Variants in TOLLIP observed in about 807,000 individuals in gnomAD.
The protein encoded by TOLLIP is toll-interacting protein.
Under a neutral mutation model 33.5 loss-of-function variants are expected in TOLLIP, and 16 were observed. That is an observed-to-expected ratio of 0.48 (90% CI 0.32 to 0.72). The LOEUF is 0.72. Ranked by LOEUF, TOLLIP falls within the 30% of genes least tolerant of loss-of-function variation. The pLI, the probability that TOLLIP is intolerant of heterozygous loss-of-function variation, is 0.03. For synonymous variants in TOLLIP, 176 were observed against 163.7 expected (o/e 1.07, Z -0.57); for missense variants, 325 against 396.6 (o/e 0.82, Z 1.53).
In TOLLIP at chr11:1,285,864, G is replaced by A. The variant is rs902668940; in HGVS notation, c.610+138C>T. Reference sequence around the variant, plus strand: ...TCCTGGCCTGAAAGGATCTGTGTGCGGTCAGCACGTCTACAGGATTCTAGA... The same window carrying A: ...TCCTGGCCTGAAAGGATCTGTGTGCAGTCAGCACGTCTACAGGATTCTAGA... On this transcript the variant is annotated intron_variant, in intron 5 of 5. Coordinates refer to ENST00000317204, the MANE Select transcript of TOLLIP (RefSeq NM_019009.4). The A allele has an allele frequency of 4.6e-5, 25 of 539,484 alleles. 1 individual carries two copies. The highest frequency in any genetic ancestry group is 2.6e-4 in the Admixed American group (7 of 26,462). 33.4% of individuals were successfully genotyped at this position (539,484 alleles called of 1,614,324 possible).
In TOLLIP at chr11:1,290,065, T is replaced by C; in HGVS notation, c.366+162A>G. The C allele has an allele frequency of 1.6e-6, 1 of 642,300 alleles. No homozygotes were observed. 39.8% of individuals were successfully genotyped at this position (642,300 alleles called of 1,614,324 possible). A position where few individuals can be genotyped will look rare whatever the true frequency, so the allele number is the denominator to read the frequency against. ...GCTGGAAACAATCCCTTTTTCACAT[T>C]CCTTGGGGAGAGCAGGACCCTGTCA... is the stretch of plus-strand genomic sequence containing the variant. On this transcript the variant is annotated intron_variant, in intron 3 of 5. Coordinates refer to ENST00000317204, the MANE Select transcript of TOLLIP (RefSeq NM_019009.4). This position sits in a 1 kb window ranked among gnomAD's most constrained non-coding sequence, Gnocchi z 4.9.
At position 1,288,707 on chromosome 11, in the gene TOLLIP, T is replaced by C. The variant is rs1863830779; in HGVS notation, c.436A>G (p.Lys146Glu). 1 of 1,612,808 alleles carries C rather than the reference T, an allele frequency of 6.2e-7. No individual in the cohort carries two copies. The highest frequency in any genetic ancestry group is 1.3e-5 in the African/African-American group (1 of 74,944). ...AGGCTGTACCACTTGTCCTCCACCT[T>C]GCCCTGCCTCAGGGACTCCGGGATG... The part of the protein sequence containing the change: ...ITIPESLRQG[K>E]VEDKWYSLSG... The change falls in exon 4 of 6, where the codon AAG (lysine) becomes GAG (glutamate). Residue 146 changes from lysine (K) to glutamate (E), a missense_variant. Coordinates refer to ENST00000317204, the MANE Select transcript of TOLLIP (RefSeq NM_019009.4).
chr11:1,290,557 G>A lies in TOLLIP; in HGVS notation c.184-148C>T. On this transcript the variant is annotated intron_variant, in intron 2 of 5. Transcript: ENST00000317204. The surrounding 1 kb of genome is among the most constrained non-coding windows in gnomAD (Gnocchi z 4.9). ...CTCAGAGTCGCCTGAACACGGCTGT[G>A]ACCTGCTTCCCAGGAGGCCAGGAGC... 1 of 693,362 alleles carries A rather than the reference G, an allele frequency of 1.4e-6. No individual in the cohort carries two copies. Among genetic ancestry groups the A allele is most frequent in the Non-Finnish European group, 2.4e-6 (1 of 414,142 alleles). The allele number at this position is 693,362 out of a possible 1,614,324, so 43.0% of individuals were successfully genotyped here.
In TOLLIP at chr11:1,276,456, T is replaced by C. The variant is rs1311767069; in HGVS notation, c.*583A>G. On this transcript the variant is annotated 3_prime_UTR_variant, in exon 6 of 6. Coordinates refer to ENST00000317204, the MANE Select transcript of TOLLIP (RefSeq NM_019009.4). ...GTCTGTCACAAGGCTGGCTGGACAG[T>C]GGCCAGGTGAGCCAGGCCAGAGGCC... 3.1e-6 allele frequency: 1 copy of C among 326,148 alleles called. No individual in the cohort carries two copies. Among genetic ancestry groups the C allele is most frequent in the East Asian group, 8.4e-5 (1 of 11,840 alleles). The allele number at this position is 326,148 out of a possible 1,614,324, so 20.2% of individuals were successfully genotyped here. A position where few individuals can be genotyped will look rare whatever the true frequency, so the allele number is the denominator to read the frequency against.
rs1166710718 is a variant in TOLLIP at position 1,287,795 on chromosome 11, GCCGCAGC to G, written c.519+822_519+828del. 1.1e-4 allele frequency among the ~76,000 whole-genome samples: 2 copies of G among 17,814 alleles called. 1 individual carries two copies. The highest frequency in any genetic ancestry group is 5.2e-4 in the African/African-American group (2 of 3,844). 11.7% of individuals were successfully genotyped at this position (17,814 alleles called of 152,430 possible). A position where few individuals can be genotyped will look rare whatever the true frequency, so the allele number is the denominator to read the frequency against. On this transcript the variant is annotated intron_variant, in intron 4 of 5. Coordinates refer to ENST00000317204, the MANE Select transcript of TOLLIP (RefSeq NM_019009.4). ...GCAGCCTCCCCGCCGCACCCTCCCT[GCCGCAGC>G]CTCCCCGCCGCAGCCTCCCCGCCGC...
intron 5 of TOLLIP, among the ~76,000 whole-genome samples, chr11:1,281,065 C>G (rs887830945): frequency 6.6e-6 from 1 of 152,272 alleles, no homozygotes; most frequent in South Asian, 2.1e-4. Context: ...CCAGATGCTT[C>G]ACGCCTAGAT....
At chr11:1,283,633 TC>T in intron 5 of TOLLIP, 2 of 450,828 alleles carry the variant, frequency 4.4e-6, no homozygotes, top group Non-Finnish European at 8.9e-6. Context: ...GTCTAGCCTT[TC>T]CTAAAATAAA....
intron 2 of TOLLIP, chr11:1,291,196 T>A (rs1484516620): frequency 1.3e-5 from 2 of 152,134 alleles, no homozygotes; most frequent in African/African-American, 4.8e-5. Context: ...TGTAAAACCT[T>A]TACAAGAAAA....
rs571690639 is a variant in TOLLIP, at chr11:1,280,090, G to C, written c.611-2837C>G. 6.6e-5 allele frequency among the ~76,000 whole-genome samples: 10 copies of C among 152,406 alleles called. No individual in the cohort carries two copies. The East Asian group carries it at 1.9e-3, about 29-fold the overall frequency. ...TAGCGGGTTAATAAACACAACAGCA[G>C]AGAGTTCCATGTGATAGTTTGTCTC... On this transcript the variant is annotated intron_variant, in intron 5 of 5. Coordinates refer to ENST00000317204, the MANE Select transcript of TOLLIP (RefSeq NM_019009.4).
At chr11:1,283,485 G>C (rs996918317) in intron 5 of TOLLIP, 10 of 453,848 alleles carry the variant, frequency 2.2e-5, no homozygotes, top group Non-Finnish European at 4.0e-5. Context: ...ATGGGGGCTG[G>C]GGGCTCCGGT....
At chr11:1,288,875 T>C in intron 3 of TOLLIP, 99 bp from the exon 4 acceptor site, 1 of 1,377,040 alleles carries the variant, frequency 7.3e-7, no homozygotes. Context: ...CCCCGTCTTA[T>C]CTGTGGAACA....
chr11:1,295,653 C>T lies in TOLLIP; in HGVS notation c.175G>A (p.Val59Met). The T allele has an allele frequency of 6.3e-7, 1 of 1,582,622 alleles. No individual in the cohort carries two copies. The highest frequency in any genetic ancestry group is 8.6e-7 in the Non-Finnish European group (1 of 1,158,592). Residue 59 changes from valine to methionine, a missense_variant, in exon 2 of 6, where the codon GTG (valine) becomes ATG (methionine). Physicochemically the swap from Val to Met is conservative, Grantham distance 21. Coordinates refer to ENST00000317204, the MANE Select transcript of TOLLIP (RefSeq NM_019009.4). ...VGTVGRLNIT[V>M]VQAKLAKNYG... The stretch of plus-strand genomic sequence containing the variant: ...GGTGCCCCAAGGCCCACCTGTACCA[C>T]CGTGATGTTCAGTCGGCCCACGGTG...
intron 4 of TOLLIP, among the ~76,000 whole-genome samples, chr11:1,287,857 C>A (rs1367359133): frequency 1.5e-5 from 2 of 133,596 alleles, no homozygotes; most frequent in African/African-American, 5.6e-5. Context: ...CCCTGCCGCA[C>A]CCTCTCTGCT....
At position 1,290,264 on chromosome 11, in the gene TOLLIP, G is replaced by C. The variant is rs926744561; in HGVS notation, c.329C>G (p.Pro110Arg). ...CTCGAGATAGAAAGAGTCCACGCCT[G>C]GGGGCACCGTGCAGTGGATGACCTT... is the stretch of plus-strand genomic sequence containing the variant. ...WNKVIHCTVP[P>R]GVDSFYLEIF... Residue 110 changes from proline (P) to arginine (R), a missense_variant, in exon 3 of 6, where the codon CCA becomes CGA. Coordinates refer to ENST00000317204, the MANE Select transcript of TOLLIP (RefSeq NM_019009.4). The surrounding 1 kb of genome is among the most constrained non-coding windows in gnomAD (Gnocchi z 4.9). The C allele has an allele frequency of 3.7e-6, 6 of 1,613,488 alleles. No homozygotes were observed. The highest frequency in any genetic ancestry group is 5.1e-6 in the Non-Finnish European group (6 of 1,179,950).
At chr11:1,292,826 G>T (rs1863993180) in intron 2 of TOLLIP, among the ~76,000 whole-genome samples, 1 of 152,262 alleles carries the variant, frequency 6.6e-6, no homozygotes, top group South Asian at 2.1e-4. Flanking sequence ...ACCACTGCAG[G>T]GAGTGACCAG....
Position 1,275,633 on chromosome 11 carries a change from A to G in TOLLIP, c.*1406T>C, listed in dbSNP as rs2133870290. The G allele has an allele frequency of 6.6e-6, 1 of 152,236 alleles. No homozygotes were observed. The highest frequency in any genetic ancestry group is 1.9e-4 in the East Asian group (1 of 5,180). The allele number at this position is 152,236 out of a possible 1,614,324, so 9.4% of individuals were successfully genotyped here. On this transcript the variant is annotated 3_prime_UTR_variant, in exon 6 of 6. Coordinates refer to ENST00000317204, the MANE Select transcript of TOLLIP (RefSeq NM_019009.4). ...TGTCCCTCCCCCACGGCCACCACAC[A>G]CTTCAAGTTTACAAAAATAAATATT...
intron 1 of TOLLIP, among the ~76,000 whole-genome samples, chr11:1,300,239 T>C (rs1032682796): frequency 6.6e-6 from 1 of 152,218 alleles, no homozygotes; most frequent in African/African-American, 2.4e-5. Context: ...TTTTAAAATG[T>C]AACTTCAAAT....
chr11:1,284,076 GC>G (rs1863597417), intron 5 of TOLLIP, among the ~76,000 whole-genome samples: 4 of 152,218 alleles, frequency 2.6e-5, no homozygotes, highest in African/African-American at 9.6e-5. Flanking sequence ...ACCTCCAGGA[GC>G]CACTCTGGGG....
At chr11:1,299,817 G>A (rs1351085734) in intron 1 of TOLLIP, among the ~76,000 whole-genome samples, 3 of 152,226 alleles carry the variant, frequency 2.0e-5, no homozygotes, top group South Asian at 2.1e-4. Flanking sequence ...CACCTGTGCC[G>A]TCAAAACGCC....
Sources: gnomAD v4.1 joint callset for allele counts (sites outside exome capture counted in the v4.1 genomes callset) on GRCh38, gnomAD v4.1.1 for gene constraint, Gnocchi (gnomAD v3.1) non-coding constraint, MANE v1.5 for transcripts, NCBI Gene and HGNC (gene_info 2026-07-23, HGNC 2026-07-21) for gene names.